Variants in GRK3 observed in about 807,000 individuals in gnomAD.
GRK3 encodes the protein G protein-coupled receptor kinase 3, also known as adrenergic, beta, receptor kinase 2.
GRK3 carries 54 observed loss-of-function variants against 95.7 expected under a neutral mutation model. The observed-to-expected ratio is 0.56, with a 90% CI of 0.45 to 0.71. GRK3 has a LOEUF of 0.71. Ranked by LOEUF, GRK3 falls within the 30% of genes least tolerant of loss-of-function variation. GRK3 has a pLI of 0.00. For missense variants in GRK3, 649 were observed against 851.2 expected, an observed-to-expected ratio of 0.76 and a Z score of 2.96; for synonymous variants, 281 against 290.8, an observed-to-expected ratio of 0.97 and a Z score of 0.34.
At chr22:25,709,873 A>C in intron 15 of GRK3, 25 bp from the exon 16 acceptor site, 1 of 1,578,074 alleles carries the variant, frequency 6.3e-7, no homozygotes, top group African/African-American at 1.3e-5. Flanking sequence ...CATACTCAGC[A>C]CTGTTATGAC....
At chr22:25,623,023 C>T (rs2084598192) in intron 2 of GRK3, among the ~76,000 whole-genome samples, 1 of 152,172 alleles carries the variant, frequency 6.6e-6, no homozygotes, top group African/African-American at 2.4e-5. Context: ...CTCACTGCAA[C>T]CTTTGCCTCC....
intron 17 of GRK3, among the ~76,000 whole-genome samples, chr22:25,712,523 G>C (rs1482923050): frequency 6.6e-6 from 1 of 152,164 alleles, no homozygotes; most frequent in African/African-American, 2.4e-5. Flanking sequence ...CTATTACGTG[G>C]GTGCCCACAA....
intron 1 of GRK3, among the ~76,000 whole-genome samples, chr22:25,574,741 A>G (rs1931830137): frequency 1.3e-5 from 2 of 152,184 alleles, no homozygotes; most frequent in Non-Finnish European, 2.9e-5. Context: ...ACCTGGTCCT[A>G]CCTTTTTCAA....
intron 13 of GRK3, among the ~76,000 whole-genome samples, chr22:25,696,733 T>G (rs1312922951): frequency 1.3e-5 from 2 of 152,250 alleles, no homozygotes; most frequent in Non-Finnish European, 2.9e-5. Flanking sequence ...AACTAGGTTC[T>G]GAGCACCCTC....
chr22:25,642,902 G>A (rs2084753838), intron 2 of GRK3, among the ~76,000 whole-genome samples: 1 of 152,150 alleles, frequency 6.6e-6, no homozygotes, highest in Admixed American at 6.5e-5. Context: ...GTGCCATACA[G>A]CATTCCGTTA....
At position 25,728,249 on chromosome 22, in the gene GRK3, G is replaced by T. The variant is rs913801948; in HGVS notation, c.*5799G>T. The T allele has an allele frequency of 6.6e-6, 1 of 152,192 alleles. No homozygotes were observed. The highest frequency in any genetic ancestry group is 1.5e-5 in the Non-Finnish European group (1 of 68,038). The allele number at this position is 152,192 out of a possible 1,614,324, so 9.4% of individuals were successfully genotyped here. ...GATCTTCTGGTCTGTGCTGAGAGGC[G>T]CATGCATGTCTTTCGTCACGTCGGG... On this transcript the variant is annotated 3_prime_UTR_variant, in exon 21 of 21. Coordinates refer to ENST00000324198, the MANE Select transcript of GRK3 (RefSeq NM_005160.4).
rs1458586814 is a variant in GRK3, at chr22:25,648,779, T to C, written c.264+4114T>C. ...TGGCATATATTAAAAGAATGAACTA[T>C]ATTCACCGAGATCTCTGGGCTGCTA... On this transcript the variant is annotated intron_variant, in intron 3 of 20. Transcript: ENST00000324198. 89 of 1,163,972 alleles carry C rather than the reference T, an allele frequency of 7.6e-5. No homozygotes were observed. In the East Asian group the frequency reaches 2.0e-3, roughly 26 times the overall value. 72.1% of individuals were successfully genotyped at this position (1,163,972 alleles called of 1,614,324 possible).
In GRK3 at chr22:25,718,326, G is replaced by A; in HGVS notation, c.1736G>A (p.Arg579His). 3 of 1,614,050 alleles carry A rather than the reference G, an allele frequency of 1.9e-6. No individual in the cohort carries two copies. The highest frequency in any genetic ancestry group is 1.7e-6 in the Non-Finnish European group (2 of 1,179,986). Residue 579 changes from arginine (R) to histidine (H), a missense_variant, in exon 19 of 21, where the codon CGC (arginine) becomes CAC (histidine). By Grantham distance (29) the Arg-to-His change is conservative. Transcript: ENST00000324198. The part of the protein sequence containing the change: ...GNPFLTQWQR[R>H]YFYLFPNRLE... ...CCATTTCTGACTCAGTGGCAGCGTCGCTATTTTTACCTCTTTCCAAATAGA... is the reference window on the plus strand; with the variant it reads ...CCATTTCTGACTCAGTGGCAGCGTCACTATTTTTACCTCTTTCCAAATAGA...
intron 18 of GRK3, among the ~76,000 whole-genome samples, chr22:25,716,209 T>A (rs2085383368): frequency 6.6e-6 from 1 of 152,094 alleles, no homozygotes; most frequent in South Asian, 2.1e-4. Context: ...AGGCTGGTCT[T>A]GAACTCCTGA....
chr22:25,656,070 G>T (rs574897356), intron 3 of GRK3, among the ~76,000 whole-genome samples: 1 of 152,278 alleles, frequency 6.6e-6, no homozygotes, highest in East Asian at 1.9e-4. Flanking sequence ...GAACTGGAAT[G>T]ATTATAGTAC....
At chr22:25,623,349 C>T (rs1487254591) in intron 2 of GRK3, among the ~76,000 whole-genome samples, 1 of 152,198 alleles carries the variant, frequency 6.6e-6, no homozygotes, top group Non-Finnish European at 1.5e-5. Flanking sequence ...TTGGGCCTTC[C>T]TAATTCCCGC....
intron 2 of GRK3, among the ~76,000 whole-genome samples, chr22:25,635,983 A>G (rs1434697080): frequency 2.6e-5 from 4 of 152,126 alleles, no homozygotes; most frequent in African/African-American, 9.7e-5. Context: ...AATTTATCTA[A>G]TGGGTTATGA....
chr22:25,707,682 GT>G (rs1482069038), intron 15 of GRK3, among the ~76,000 whole-genome samples: 1 of 152,216 alleles, frequency 6.6e-6, no homozygotes, highest in Admixed American at 6.5e-5. Context: ...GCAAAGCCAG[GT>G]CTCCTGGGCA....
intron 1 of GRK3, among the ~76,000 whole-genome samples, chr22:25,592,991 T>A (rs1932546609): frequency 6.6e-6 from 1 of 152,168 alleles, no homozygotes; most frequent in South Asian, 2.1e-4. Flanking sequence ...AGGACATGAT[T>A]TCATTCTTTT....
chr22:25,576,161 C>T (rs1931886506), intron 1 of GRK3, among the ~76,000 whole-genome samples: 1 of 151,976 alleles, frequency 6.6e-6, no homozygotes. Context: ...CCTACGTGCC[C>T]AGCGTCTGTG....
rs778513897 is a variant in GRK3, at chr22:25,723,186, T to A, written c.*736T>A. ...AAGGACAGGCCGTGGAGTTTTAGGT[T>A]TCAGGGGCAAGAGCAGTTTTCAAAA... On this transcript the variant is annotated 3_prime_UTR_variant, in exon 21 of 21. Transcript: ENST00000324198. 4 of 152,216 alleles carry A rather than the reference T, an allele frequency of 2.6e-5. No individual in the cohort carries two copies. Among genetic ancestry groups the A allele is most frequent in the Non-Finnish European group, 4.4e-5 (3 of 68,074 alleles). 9.4% of individuals were successfully genotyped at this position (152,216 alleles called of 1,614,324 possible).
At chr22:25,568,402 C>A (rs1488618665) in intron 1 of GRK3, among the ~76,000 whole-genome samples, 1 of 152,148 alleles carries the variant, frequency 6.6e-6, no homozygotes, top group East Asian at 1.9e-4. Flanking sequence ...CATCTTTCCC[C>A]TGGAGTCTTA....
chr22:25,709,992 C>T (rs772356274), intron 16 of GRK3, 28 bp downstream of exon 16: 26 of 1,524,690 alleles, frequency 1.7e-5, no homozygotes, highest in South Asian at 3.4e-5. Context: ...ACTCTACTTA[C>T]GGTACTGCCG....
At chr22:25,638,377 A>G (rs753290336) in intron 2 of GRK3, among the ~76,000 whole-genome samples, 2 of 152,224 alleles carry the variant, frequency 1.3e-5, no homozygotes, top group African/African-American at 2.4e-5. Context: ...TTTGCTTAAC[A>G]TACACACACA....
Sources: gnomAD v4.1 joint callset for allele counts (sites outside exome capture counted in the v4.1 genomes callset) on GRCh38, gnomAD v4.1.1 for gene constraint, MANE v1.5 for transcripts, NCBI Gene and HGNC (gene_info 2026-07-23, HGNC 2026-07-21) for gene names.